Variants in MEIS2 observed in about 807,000 individuals in gnomAD.
MEIS2 encodes the protein Meis homeobox 2.
MEIS2 carries 9 observed loss-of-function variants against 58.6 expected under a neutral mutation model. That is an observed-to-expected ratio of 0.15 (90% confidence interval 0.09 to 0.27). The LOEUF (loss-of-function observed/expected upper bound fraction) is 0.27. MEIS2 is among the 10% of genes least tolerant of loss of function. MEIS2 has a pLI of 1.00. For missense variants in MEIS2, 427 were observed against 635.0 expected (o/e 0.67, Z 3.52); for synonymous variants, 221 against 228.4 (o/e 0.97, Z 0.29).
intron 9 of MEIS2, among the ~76,000 whole-genome samples, chr15:36,913,149 T>TA (rs2057120854): frequency 1.3e-5 from 2 of 152,234 alleles, no homozygotes; most frequent in Non-Finnish European, 2.9e-5. Flanking sequence ...ATGAGCTGCT[T>TA]ACTGCTACCA....
At chr15:36,996,827 G>C (rs987429310) in intron 8 of MEIS2, among the ~76,000 whole-genome samples, 9 of 152,120 alleles carry the variant, frequency 5.9e-5, no homozygotes, top group Non-Finnish European at 1.0e-4. Flanking sequence ...TGTCTTCCCA[G>C]CTAAAAATAA....
intron 8 of MEIS2, among the ~76,000 whole-genome samples, chr15:37,028,149 G>A (rs1288533419): frequency 6.6e-6 from 1 of 152,224 alleles, no homozygotes; most frequent in Non-Finnish European, 1.5e-5. Context: ...TGGGAGGTAA[G>A]TTTCTCAGTC....
chr15:36,919,972 T>A (rs2057433107), intron 9 of MEIS2, among the ~76,000 whole-genome samples: 1 of 152,164 alleles, frequency 6.6e-6, no homozygotes, highest in Non-Finnish European at 1.5e-5. Flanking sequence ...AACATACCCT[T>A]CTAGTTATTG....
chr15:36,904,795 A>G (rs1041767733), intron 9 of MEIS2, among the ~76,000 whole-genome samples: 12 of 152,194 alleles, frequency 7.9e-5, no homozygotes, highest in Admixed American at 2.0e-4. Context: ...ACTGATTTAT[A>G]TTGACATGAC....
chr15:37,094,451 T>G, intron 5 of MEIS2, 76 bp downstream of exon 5: 3 of 1,438,548 alleles, frequency 2.1e-6, no homozygotes, highest in Non-Finnish European at 2.9e-6. Flanking sequence ...ACACTAGAGG[T>G]TTGTTAAAAA....
At chr15:36,958,932 T>C (rs2059087052) in intron 8 of MEIS2, among the ~76,000 whole-genome samples, 2 of 152,216 alleles carry the variant, frequency 1.3e-5, no homozygotes. Flanking sequence ...AATTGAATTT[T>C]GTACTTATTT....
chr15:37,096,582 G>A (rs765422949), intron 2 of MEIS2, 152 bp from the exon 3 acceptor site: 63 of 921,412 alleles, frequency 6.8e-5, no homozygotes, highest in Non-Finnish European at 9.5e-5. Flanking sequence ...TCCATCAGGC[G>A]AGCCTAAGCC....
At chr15:37,022,331 T>A (rs1291388219) in intron 8 of MEIS2, among the ~76,000 whole-genome samples, 2 of 152,342 alleles carry the variant, frequency 1.3e-5, no homozygotes, top group African/African-American at 4.8e-5. Flanking sequence ...TGTTGATTTT[T>A]AAATTTATTT....
chr15:36,943,179 C>G (rs1595775698), intron 9 of MEIS2, among the ~76,000 whole-genome samples: 1 of 152,136 alleles, frequency 6.6e-6, no homozygotes, highest in East Asian at 1.9e-4. Flanking sequence ...ATAAGTAAAT[C>G]GCTAAGTCAA....
chr15:37,005,815 T>C (rs2060901841), intron 8 of MEIS2, among the ~76,000 whole-genome samples: 1 of 152,164 alleles, frequency 6.6e-6, no homozygotes, highest in African/African-American at 2.4e-5. Context: ...CTCCTTGGCT[T>C]CCCAAAGTCC....
At chr15:36,974,853 T>C (rs181508122) in intron 8 of MEIS2, among the ~76,000 whole-genome samples, 51 of 152,362 alleles carry the variant, frequency 3.3e-4, no homozygotes, top group Non-Finnish European at 2.5e-4. Flanking sequence ...AGAATTGTTC[T>C]TGAAACCCTT....
chr15:36,941,050 C>T (rs746581555), intron 9 of MEIS2, among the ~76,000 whole-genome samples: 1 of 152,136 alleles, frequency 6.6e-6, no homozygotes, highest in Non-Finnish European at 1.5e-5. Flanking sequence ...CATTCTTCTT[C>T]TGCAGCAACC....
intron 8 of MEIS2, among the ~76,000 whole-genome samples, chr15:37,009,870 T>C (rs1210701771): frequency 6.6e-6 from 1 of 152,202 alleles, no homozygotes; most frequent in Non-Finnish European, 1.5e-5. Flanking sequence ...AGAGTAAATA[T>C]GGATATGAAT....
At position 36,890,441 on chromosome 15, in the gene MEIS2, C is replaced by T. The variant is rs2055801996; in HGVS notation, c.*1732G>A. ...TTATCAAATCATCACACTAGCATCCCTGCACATGGATGTGTCTGAAATAAA... is the reference window on the plus strand; with the variant it reads ...TTATCAAATCATCACACTAGCATCCTTGCACATGGATGTGTCTGAAATAAA... On this transcript the variant is annotated 3_prime_UTR_variant, in exon 12 of 12. Transcript: ENST00000561208. The T allele has an allele frequency of 6.6e-6, 1 of 152,094 alleles. No homozygotes were observed. Among genetic ancestry groups the T allele is most frequent in the African/African-American group, 2.4e-5 (1 of 41,416 alleles). 9.4% of individuals were successfully genotyped at this position (152,094 alleles called of 1,614,324 possible). A position where few individuals can be genotyped will look rare whatever the true frequency, so the allele number is the denominator to read the frequency against.
At chr15:37,060,157 T>G (rs1737547871) in intron 7 of MEIS2, among the ~76,000 whole-genome samples, 1 of 152,046 alleles carries the variant, frequency 6.6e-6, no homozygotes, top group African/African-American at 2.4e-5. Flanking sequence ...CCCAGACTAG[T>G]CTTGAACTCC....
intron 8 of MEIS2, among the ~76,000 whole-genome samples, chr15:36,998,878 G>T (rs940037057): frequency 7.9e-5 from 12 of 152,156 alleles, no homozygotes; most frequent in African/African-American, 2.9e-4. Flanking sequence ...ATTGCTGATG[G>T]TCACACTCCA....
chr15:36,929,048 A>G (rs1292017006), intron 9 of MEIS2, among the ~76,000 whole-genome samples: 1 of 152,154 alleles, frequency 6.6e-6, no homozygotes, highest in Non-Finnish European at 1.5e-5. Context: ...TAATTATATA[A>G]CTCTTCTGTC....
intron 9 of MEIS2, among the ~76,000 whole-genome samples, chr15:36,911,539 T>C (rs1258538318): frequency 2.6e-5 from 4 of 152,160 alleles, no homozygotes; most frequent in Non-Finnish European, 5.9e-5. Context: ...GGATAATGTA[T>C]AGCAATGTAC....
chr15:36,986,794 C>G (rs1425493516), intron 8 of MEIS2, among the ~76,000 whole-genome samples: 1 of 152,158 alleles, frequency 6.6e-6, no homozygotes, highest in African/African-American at 2.4e-5. Context: ...CCATTGTGTT[C>G]TGTTTTGCTT....
Sources: allele counts gnomAD v4.1 joint callset (sites outside exome capture counted in the v4.1 genomes callset), GRCh38; gene constraint gnomAD v4.1.1; transcripts MANE v1.5; gene names NCBI Gene and HGNC (gene_info 2026-07-23, HGNC 2026-07-21).